Variants in NYAP2 observed in about 807,000 individuals in gnomAD.
NYAP2 encodes neuronal tyrosine-phosphorylated phosphoinositide-3-kinase adapter 2.
Under a neutral mutation model 50.4 loss-of-function variants are expected in NYAP2, and 23 were observed. That is an observed-to-expected ratio of 0.46 (90% CI 0.33 to 0.65). The LOEUF is 0.65. Among genes scored for constraint, NYAP2 ranks in the 30% least tolerant of loss-of-function variants. The probability of loss-of-function intolerance (pLI) is 0.02; values close to 1 mark genes in which losing one functional copy is unlikely to be tolerated. For missense variants in NYAP2, 885 were observed against 861.0 expected (o/e 1.03, Z -0.35); for synonymous variants, 394 against 365.2 (o/e 1.08, Z -0.90).
intron 3 of NYAP2, among the ~76,000 whole-genome samples, chr2:225,458,076 G>T (rs761184775): frequency 6.6e-6 from 1 of 151,728 alleles, no homozygotes; most frequent in East Asian, 1.9e-4. Context: ...AAAACGATAC[G>T]CACAGTACAA....
chr2:225,530,693 T>G (rs186730006), intron 4 of NYAP2, among the ~76,000 whole-genome samples: 9 of 152,364 alleles, frequency 5.9e-5, no homozygotes, highest in Admixed American at 1.3e-4. Context: ...TATCTCCAGA[T>G]GTCCCAATCT....
rs545240786 is a variant in NYAP2, at chr2:225,481,127, A to G, written c.222-32244A>G. Among the ~76,000 whole-genome samples the G allele has an allele frequency of 4.6e-5, 7 of 151,962 alleles. No homozygotes were observed. In the South Asian group the frequency reaches 1.5e-3, roughly 32 times the overall value. On this transcript the variant is annotated intron_variant, in intron 3 of 6. Transcript: ENST00000636099. Reference sequence around the variant, plus strand: ...TGTAGGATGATGACTATTGATCTCTACTGTTTCTTTCTTTAAAAAACCTTT... The same window carrying G: ...TGTAGGATGATGACTATTGATCTCTGCTGTTTCTTTCTTTAAAAAACCTTT...
the NYAP2 span, among the ~76,000 whole-genome samples, chr2:225,664,851 C>T: frequency 1.3e-5 from 2 of 151,900 alleles, no homozygotes; most frequent in South Asian, 2.1e-4. Context: ...CCAGCCTGGG[C>T]GACAGAGCGA....
At chr2:225,423,111 C>A (rs1013376857) in intron 3 of NYAP2, among the ~76,000 whole-genome samples, 3 of 151,912 alleles carry the variant, frequency 2.0e-5, no homozygotes, top group African/African-American at 7.3e-5. Context: ...TTAGAAGTCT[C>A]CAAGGAGAGA....
chr2:225,497,372 G>C (rs900197078), intron 3 of NYAP2, among the ~76,000 whole-genome samples: 1 of 152,142 alleles, frequency 6.6e-6, no homozygotes, highest in African/African-American at 2.4e-5. Flanking sequence ...CTTAAGTAGC[G>C]TCTTTAGTGA....
At chr2:225,542,508 T>A (rs1051727007) in intron 4 of NYAP2, among the ~76,000 whole-genome samples, 5 of 152,196 alleles carry the variant, frequency 3.3e-5, no homozygotes, top group African/African-American at 1.2e-4. Context: ...AAATGCTTTT[T>A]CTGCATCAAT....
intron 4 of NYAP2, among the ~76,000 whole-genome samples, chr2:225,566,787 G>C (rs1691969520): frequency 6.6e-6 from 1 of 152,140 alleles, no homozygotes; most frequent in African/African-American, 2.4e-5. Flanking sequence ...CAATCCCTAA[G>C]TTTTAAATGT....
the NYAP2 span, among the ~76,000 whole-genome samples, chr2:225,693,591 A>G: frequency 6.6e-6 from 1 of 152,064 alleles, no homozygotes; most frequent in Non-Finnish European, 1.5e-5. Flanking sequence ...CCAGGGTGAC[A>G]GCATGGTTAT....
Position 225,489,821 on chromosome 2 carries a change from C to T in NYAP2, c.222-23550C>T, listed in dbSNP as rs575466238. On this transcript the variant is annotated intron_variant, in intron 3 of 6. Transcript: ENST00000636099. Reference sequence around the variant, plus strand: ...CTAAACAAATACCAGTGTCCTGGGACCTTGACCCAGATCAAATAATAGATA... The same window carrying T: ...CTAAACAAATACCAGTGTCCTGGGATCTTGACCCAGATCAAATAATAGATA... Among the ~76,000 whole-genome samples, 9 of 152,246 alleles carry T rather than the reference C, an allele frequency of 5.9e-5. No homozygotes were observed. In the South Asian group the frequency reaches 1.9e-3, roughly 32 times the overall value.
intron 6 of NYAP2, among the ~76,000 whole-genome samples, chr2:225,641,683 C>G (rs1229233054): frequency 1.3e-5 from 2 of 151,868 alleles, no homozygotes; most frequent in Non-Finnish European, 1.5e-5. Context: ...CGTGGTGGCA[C>G]GTGCCTGTAA....
chr2:225,660,427 G>C, the NYAP2 span, among the ~76,000 whole-genome samples: 1 of 141,644 alleles, frequency 7.1e-6, no homozygotes, highest in African/African-American at 2.6e-5. Flanking sequence ...GCAGGTATTA[G>C]AGACACAGGA....
intron 4 of NYAP2, among the ~76,000 whole-genome samples, chr2:225,551,364 T>C (rs1456642992): frequency 6.6e-6 from 1 of 152,220 alleles, no homozygotes. Context: ...GCTGTAAAGA[T>C]AGACTGTTGA....
At chr2:225,634,175 G>A (rs1693370596) in intron 6 of NYAP2, among the ~76,000 whole-genome samples, 1 of 152,218 alleles carries the variant, frequency 6.6e-6, no homozygotes, top group African/African-American at 2.4e-5. Context: ...TGAATAGTGA[G>A]GGCCAGCAGC....
chr2:225,681,942 C>A, the NYAP2 span, among the ~76,000 whole-genome samples: 3 of 152,136 alleles, frequency 2.0e-5, no homozygotes, highest in African/African-American at 7.2e-5. Context: ...TTTGGAAGAC[C>A]CCCGGCAGAT....
At chr2:225,642,389 T>A (rs1191703529) in intron 6 of NYAP2, among the ~76,000 whole-genome samples, 1 of 152,196 alleles carries the variant, frequency 6.6e-6, no homozygotes, top group African/African-American at 2.4e-5. Context: ...GGAAAAATCT[T>A]AACATGTATT....
chr2:225,487,707 C>T (rs1690328935), intron 3 of NYAP2, among the ~76,000 whole-genome samples: 1 of 152,138 alleles, frequency 6.6e-6, no homozygotes, highest in Non-Finnish European at 1.5e-5. Flanking sequence ...ATTAGCTTTG[C>T]TAGACCAGCT....
chr2:225,619,382 T>G (rs956301242), intron 5 of NYAP2, among the ~76,000 whole-genome samples: 6 of 152,226 alleles, frequency 3.9e-5, no homozygotes, highest in African/African-American at 9.6e-5. Flanking sequence ...GGCGGTCATA[T>G]GCAAAGGCTC....
intron 3 of NYAP2, among the ~76,000 whole-genome samples, chr2:225,433,391 A>G (rs576897193): frequency 2.0e-5 from 3 of 152,122 alleles, no homozygotes; most frequent in African/African-American, 7.2e-5. Context: ...TTGGAAAACA[A>G]TATTTTCACT....
In NYAP2 at chr2:225,518,540, AT is replaced by A. The variant is rs1559202452; in HGVS notation, c.523+4869del. Among the ~76,000 whole-genome samples the A allele has an allele frequency of 6.8e-4, 44 of 64,736 alleles. 4 individuals are homozygous for A. Among genetic ancestry groups the A allele is most frequent in the African/African-American group, 2.6e-3 (44 of 17,068 alleles). 42.5% of individuals were successfully genotyped at this position (64,736 alleles called of 152,430 possible). On this transcript the variant is annotated intron_variant, in intron 4 of 6. Transcript: ENST00000636099. Reference sequence around the variant, plus strand: ...TGAGCTAATATATATATATATATATATATATATATATATATATATATATATA... The same window carrying A: ...TGAGCTAATATATATATATATATATAATATATATATATATATATATATATA...
Sources: gnomAD v4.1 joint callset for allele counts (sites outside exome capture counted in the v4.1 genomes callset) on GRCh38, gnomAD v4.1.1 for gene constraint, MANE v1.5 for transcripts, NCBI Gene and HGNC (gene_info 2026-07-23, HGNC 2026-07-21) for gene names.